POGZ: variants seen among roughly 807,000 people sequenced by gnomAD.
The protein encoded by POGZ is pogo transposable element with ZNF domain.
Under a neutral mutation model 134.6 loss-of-function variants are expected in POGZ, and 17 were observed. The ratio of observed to expected loss-of-function variants is 0.13; its 90% CI spans 0.09 to 0.19. The LOEUF is 0.19. Ranked by LOEUF, POGZ falls within the 10% of genes least tolerant of loss-of-function variation. The pLI, the probability that POGZ is intolerant of heterozygous loss-of-function variation, is 1.00. For missense variants in POGZ, 1,306 were observed against 1,769.7 expected (o/e 0.74, Z 4.70); for synonymous variants, 693 against 657.1 (o/e 1.05, Z -0.84).
chr1:151,447,644 T>C (rs1175898355), intron 1 of POGZ, among the ~76,000 whole-genome samples: 1 of 11,316 alleles, frequency 8.8e-5, no homozygotes, highest in Non-Finnish European at 3.5e-4. Context: ...TCTGGCTAAT[T>C]TTTTTTTTTT....
In POGZ at chr1:151,405,722, T is replaced by C. The variant is rs375852736; in HGVS notation, c.3313A>G (p.Ile1105Val). The C allele has an allele frequency of 3.7e-6, 6 of 1,614,070 alleles. No homozygotes were observed. The highest frequency in any genetic ancestry group is 1.7e-5 in the Admixed American group (1 of 60,000). ...KDVAENAGLF[I>V]DFVQRQIHNQ... ...TGAATCTGCCGTTGTACAAAATCAA[T>C]GAAGAGTCCTGCATTCTCTGCTACA... Residue 1105 changes from isoleucine to valine, a missense_variant, in exon 19 of 19, where the codon ATT becomes GTT. Ile to Val is a conservative substitution (Grantham distance 29). Transcript: ENST00000271715. This position sits in a 1 kb window ranked among gnomAD's most constrained non-coding sequence, Gnocchi z 4.9.
intron 2 of POGZ, among the ~76,000 whole-genome samples, 153 bp downstream of exon 2, chr1:151,441,928 G>C (rs1448450428): frequency 6.6e-6 from 1 of 152,174 alleles, no homozygotes; most frequent in Non-Finnish European, 1.5e-5. Context: ...GGTTTTCACA[G>C]ACTAGAGCAT....
chr1:151,424,592 C>CA (rs1553224320), intron 8 of POGZ: 1 of 306,326 alleles, frequency 3.3e-6, no homozygotes. Flanking sequence ...GGACTAATAC[C>CA]AAAAAATGAA....
intron 15 of POGZ, 107 bp from the exon 16 acceptor site, chr1:151,407,398 C>A: frequency 4.1e-6 from 3 of 733,798 alleles, no homozygotes; most frequent in Non-Finnish European, 7.1e-6. Flanking sequence ...CTTCAGTGCA[C>A]CCTAATCTCA....
intron 1 of POGZ, among the ~76,000 whole-genome samples, chr1:151,444,707 TAAGTATTTA>T (rs1661023005): frequency 6.6e-6 from 1 of 152,252 alleles, no homozygotes; most frequent in Non-Finnish European, 1.5e-5. Flanking sequence ...TCTTTTATCT[TAAGTATTTA>T]CAATACCTTA....
At chr1:151,453,742 G>A (rs975622178) in intron 1 of POGZ, among the ~76,000 whole-genome samples, 1 of 152,138 alleles carries the variant, frequency 6.6e-6, no homozygotes, top group African/African-American at 2.4e-5. Context: ...GGGAGTACCA[G>A]ATAAATACTC....
intron 3 of POGZ, chr1:151,438,956 A>T (rs1262895414): frequency 6.6e-6 from 1 of 152,168 alleles, no homozygotes; most frequent in African/African-American, 2.4e-5. Flanking sequence ...AAGGTTAGGT[A>T]AGCTGGTTGC....
chr1:151,451,369 C>T (rs1662054155), intron 1 of POGZ, among the ~76,000 whole-genome samples: 1 of 151,414 alleles, frequency 6.6e-6, no homozygotes, highest in African/African-American at 2.4e-5. Context: ...TCTTGTTGCC[C>T]AGGCTGGAGC....
Position 151,405,847 on chromosome 1 carries a change from C to T in POGZ, c.3188G>A (p.Gly1063Glu). ...CCACTCATAGGAGATCTTAAACCCC[C>T]CTTCCAAAGAACGTCCTATTTTGGT... is the stretch of plus-strand genomic sequence containing the variant. ...KATKIGRSLE[G>E]GFKISYEWAV... is the part of the protein sequence containing the mutation. The change falls in exon 19 of 19, where the codon GGG becomes GAG. Residue 1063 changes from glycine to glutamate, a missense_variant. By Grantham distance (98) the Gly-to-Glu change is moderately conservative. Around this residue, in one of 10 missense-constraint regions of POGZ, gnomAD observed 24 missense variants for 69.6 expected, o/e 0.34. Coordinates refer to ENST00000271715, the MANE Select transcript of POGZ (RefSeq NM_015100.4). This position sits in a 1 kb window ranked among gnomAD's most constrained non-coding sequence, Gnocchi z 4.9. 1.2e-6 allele frequency: 2 copies of T among 1,614,172 alleles called. No homozygotes were observed. The highest frequency in any genetic ancestry group is 1.7e-6 in the Non-Finnish European group (2 of 1,180,040).
In POGZ at chr1:151,430,856, A is replaced by C; in HGVS notation, c.284-15T>G. On this transcript the variant is annotated splice_polypyrimidine_tract_variant and intron_variant, in intron 3 of 18. Coordinates refer to ENST00000271715, the MANE Select transcript of POGZ (RefSeq NM_015100.4). ...AGGATTGCCAGCTAAAGGGTAAAGG[A>C]AGAAAAAAAAAAAGGAATGTTAGAA... is the stretch of plus-strand genomic sequence containing the variant. 1 of 1,530,646 alleles carries C rather than the reference A, an allele frequency of 6.5e-7. No individual in the cohort carries two copies. The highest frequency in any genetic ancestry group is 8.7e-7 in the Non-Finnish European group (1 of 1,148,934). 94.8% of individuals were successfully genotyped at this position (1,530,646 alleles called of 1,614,324 possible).
intron 1 of POGZ, among the ~76,000 whole-genome samples, chr1:151,457,753 C>T (rs990035017): frequency 3.3e-5 from 5 of 152,098 alleles, no homozygotes; most frequent in African/African-American, 1.2e-4. Flanking sequence ...ATGGTGAAAC[C>T]TCGTCCCTAC....
chr1:151,456,983 C>T (rs915160913), intron 1 of POGZ, among the ~76,000 whole-genome samples: 1 of 152,168 alleles, frequency 6.6e-6, no homozygotes, highest in Non-Finnish European at 1.5e-5. Context: ...GTAGTTTTAC[C>T]CAGCCTTGCT....
chr1:151,417,210 C>T (rs6689436), intron 10 of POGZ, among the ~76,000 whole-genome samples: 97,138 of 149,972 alleles, frequency 0.65, 34,719 homozygotes, highest in Non-Finnish European at 0.82. Context: ...ATTAGAGGCG[C>T]GTGCCACCAC....
rs373385892 is a variant in POGZ at position 151,427,822 on chromosome 1, C to T, written c.1078+1G>A. The T allele has an allele frequency of 6.3e-7, 1 of 1,597,802 alleles. No individual in the cohort carries two copies. Among genetic ancestry groups the T allele is most frequent in the African/African-American group, 1.3e-5 (1 of 74,548 alleles). On this transcript the variant is annotated splice_donor_variant, in intron 7 of 18. Coordinates refer to ENST00000271715, the MANE Select transcript of POGZ (RefSeq NM_015100.4). LOFTEE classifies it high-confidence loss of function. ...GCTCAGAGTCTTTCAGGTTATTGTA[C>T]CTTTCATTGAAGACTCAGGTCCGCT...
intron 1 of POGZ, among the ~76,000 whole-genome samples, chr1:151,457,644 C>T (rs1438191789): frequency 6.6e-6 from 1 of 152,074 alleles, no homozygotes; most frequent in African/African-American, 2.4e-5. Flanking sequence ...AAGTAAAACC[C>T]GGCCGGGCGC....
intron 1 of POGZ, among the ~76,000 whole-genome samples, chr1:151,449,789 G>A (rs1230369664): frequency 2.6e-5 from 4 of 152,012 alleles, no homozygotes; most frequent in Non-Finnish European, 4.4e-5. Flanking sequence ...CCAGCTACTC[G>A]GGAGGCTGGG....
intron 1 of POGZ, among the ~76,000 whole-genome samples, chr1:151,456,132 T>C (rs1662746498): frequency 6.6e-6 from 1 of 152,204 alleles, no homozygotes. Context: ...TTGCTATGTC[T>C]GGAATTTTCA....
At position 151,404,739 on chromosome 1, in the gene POGZ, A is replaced by C. The variant is rs1335076988; in HGVS notation, c.*63T>G. The C allele has an allele frequency of 5.3e-6, 8 of 1,510,922 alleles. No homozygotes were observed. In the African/African-American group the frequency reaches 5.6e-5, roughly 11 times the overall value. 93.6% of individuals were successfully genotyped at this position (1,510,922 alleles called of 1,614,324 possible). The stretch of plus-strand genomic sequence containing the variant: ...CACCTGGTATGCCCCCTTTTCCCTA[A>C]GCCCCTTTACCCTCCCTCACATGTT... On this transcript the variant is annotated 3_prime_UTR_variant, in exon 19 of 19. Coordinates refer to ENST00000271715, the MANE Select transcript of POGZ (RefSeq NM_015100.4).
At position 151,405,150 on chromosome 1, in the gene POGZ, A is replaced by G; in HGVS notation, c.3885T>C (p.Asp1295=). ...REMADTACDS[D]VLLQLVLVWL... is the part of the protein sequence containing the mutation. ...AGACAAGCACCAGCTGAAGCAGGAC[A>G]TCAGAATCACATGCAGTATCTGCCA... Residue 1295 remains aspartate (D), a synonymous_variant, in exon 19 of 19, where the codon GAT becomes GAC. Transcript: ENST00000271715. The surrounding 1 kb of genome is among the most constrained non-coding windows in gnomAD (Gnocchi z 4.9). The G allele has an allele frequency of 6.2e-7, 1 of 1,614,246 alleles. No individual in the cohort carries two copies.
Sources: gnomAD v4.1 joint callset for allele counts (sites outside exome capture counted in the v4.1 genomes callset) on GRCh38, gnomAD v4.1.1 for gene constraint, gnomAD v4.1.1 regional missense constraint, Gnocchi (gnomAD v3.1) non-coding constraint, MANE v1.5 for transcripts, NCBI Gene and HGNC (gene_info 2026-07-23, HGNC 2026-07-21) for gene names.